Variants in DTNA observed in about 807,000 individuals in gnomAD.
DTNA encodes the protein dystrophin-related protein 3.
Under a neutral mutation model 100.7 loss-of-function variants are expected in DTNA, and 43 were observed. The observed-to-expected ratio is 0.43, with a 90% CI of 0.33 to 0.55. The LOEUF (loss-of-function observed/expected upper bound fraction) is 0.55. Among genes scored for constraint, DTNA ranks in the 20% least tolerant of loss-of-function variants. DTNA has a pLI of 0.04. For missense variants in DTNA, 798 were observed against 953.9 expected (o/e 0.84, Z 2.15); for synonymous variants, 349 against 347.9 (o/e 1.00, Z -0.04).
At chr18:34,799,922 G>A (rs191965366) in intron 4 of DTNA, among the ~76,000 whole-genome samples, 1 of 152,122 alleles carries the variant, frequency 6.6e-6, no homozygotes, top group Admixed American at 6.6e-5. Context: ...GCTATAAGGA[G>A]TACTTTTCCC....
intron 1 of DTNA, among the ~76,000 whole-genome samples, chr18:34,509,636 T>C (rs2040835656): frequency 6.6e-6 from 1 of 152,184 alleles, no homozygotes; most frequent in Non-Finnish European, 1.5e-5. Context: ...TATGAATCAT[T>C]TTCAAAACAG....
intron 1 of DTNA, among the ~76,000 whole-genome samples, chr18:34,561,904 C>A (rs2849488): frequency 6.6e-6 from 1 of 151,798 alleles, no homozygotes; most frequent in African/African-American, 2.4e-5. Flanking sequence ...ATACTTGTGC[C>A]GACGGAAAGT....
chr18:34,541,547 C>T (rs1362872723), intron 1 of DTNA, among the ~76,000 whole-genome samples: 1 of 152,006 alleles, frequency 6.6e-6, no homozygotes, highest in African/African-American at 2.4e-5. Context: ...TAAGATGCTC[C>T]TCATTTGCCT....
At chr18:34,712,146 G>GAAGAAGCA (rs1052945199) in intron 1 of DTNA, among the ~76,000 whole-genome samples, 2 of 152,018 alleles carry the variant, frequency 1.3e-5, no homozygotes, top group African/African-American at 4.8e-5. Context: ...AAGAGGGAAA[G>GAAGAAGCA]AAGAAGCAAG....
chr18:34,780,283 G>A (rs1344430350), intron 3 of DTNA, among the ~76,000 whole-genome samples: 1 of 152,130 alleles, frequency 6.6e-6, no homozygotes, highest in African/African-American at 2.4e-5. Flanking sequence ...GTAAATACCA[G>A]ATAAAATCAT....
At chr18:34,703,667 A>G (rs554338437) in intron 1 of DTNA, among the ~76,000 whole-genome samples, 1 of 152,296 alleles carries the variant, frequency 6.6e-6, no homozygotes, top group South Asian at 2.1e-4. Flanking sequence ...CTGGCAGAGT[A>G]TTTGCCACCA....
chr18:34,592,628 C>T (rs2049866994), intron 1 of DTNA, among the ~76,000 whole-genome samples: 4 of 151,756 alleles, frequency 2.6e-5, no homozygotes, highest in Admixed American at 2.6e-4. Context: ...TTCCACAATT[C>T]TTACAACAAG....
intron 9 of DTNA, among the ~76,000 whole-genome samples, chr18:34,826,321 A>G (rs1225204207): frequency 1.3e-5 from 2 of 152,070 alleles, no homozygotes; most frequent in African/African-American, 4.8e-5. Flanking sequence ...ATTTTGGTGC[A>G]CCCATCACTC....
chr18:34,634,656 C>A (rs2058461696), intron 1 of DTNA, among the ~76,000 whole-genome samples: 1 of 151,948 alleles, frequency 6.6e-6, no homozygotes, highest in African/African-American at 2.4e-5. Flanking sequence ...TGTGGATATT[C>A]TTTTATATAG....
At chr18:34,784,844 C>G (rs752204878) in intron 3 of DTNA, among the ~76,000 whole-genome samples, 3 of 152,028 alleles carry the variant, frequency 2.0e-5, no homozygotes, top group Non-Finnish European at 4.4e-5. Flanking sequence ...TTTCCCAACT[C>G]TGTGTGTATA....
chr18:34,587,576 A>C (rs9961299), intron 1 of DTNA, among the ~76,000 whole-genome samples: 16,055 of 152,130 alleles, frequency 0.11, 1,256 homozygotes, highest in African/African-American at 0.21. Flanking sequence ...TCTGAACTTA[A>C]ATGCATATCT....
rs551158200 is a variant in DTNA, at chr18:34,714,677, G to A, written c.-2+4232G>A. ...CAACCATTGTGGAAGTCAGTGTGGCGATTCCTCAGGGATCTAGAACTAGAA... is the reference window on the plus strand; with the variant it reads ...CAACCATTGTGGAAGTCAGTGTGGCAATTCCTCAGGGATCTAGAACTAGAA... On this transcript the variant is annotated intron_variant, in intron 1 of 22. Coordinates refer to ENST00000444659, the MANE Select transcript of DTNA (RefSeq NM_001386795.1). Among the ~76,000 whole-genome samples the A allele has an allele frequency of 7.2e-3, 1,096 of 151,872 alleles. 6 individuals are homozygous for A. Among genetic ancestry groups the A allele is most frequent in the African/African-American group, 0.025 (1,043 of 41,388 alleles).
intron 1 of DTNA, among the ~76,000 whole-genome samples, chr18:34,591,703 G>A (rs952949985): frequency 6.6e-6 from 1 of 152,114 alleles, no homozygotes; most frequent in African/African-American, 2.4e-5. Context: ...GCATTACATA[G>A]AGCCTGCAGT....
chr18:34,514,465 A>C lies in DTNA; in HGVS notation c.-2+20951A>C, dbSNP rs551771813. Among the ~76,000 whole-genome samples the C allele has an allele frequency of 7.2e-5, 11 of 152,276 alleles. No homozygotes were observed. The East Asian group carries it at 1.9e-3, about 27-fold the overall frequency. ...TTAAGAGTCATCGATATGACACATA[A>C]GGCTCATGGTGAATCACAGTGACTT... On this transcript the variant is annotated intron_variant, in intron 1 of 19. Coordinates refer to the DTNA transcript ENST00000283365.
intron 17 of DTNA, chr18:34,867,920 T>G: frequency 1.0e-6 from 1 of 985,434 alleles, no homozygotes; most frequent in South Asian, 4.7e-5. Context: ...GTCACCCAGA[T>G]GTCAGCAATA....
chr18:34,761,151 CA>C, intron 2 of DTNA, among the ~76,000 whole-genome samples: 1 of 150,366 alleles, frequency 6.7e-6, no homozygotes, highest in South Asian at 2.1e-4. Flanking sequence ...CACACACACA[CA>C]CACACACACA....
chr18:34,854,948 TC>T (rs1160948609), intron 15 of DTNA, among the ~76,000 whole-genome samples: 3 of 152,320 alleles, frequency 2.0e-5, no homozygotes, highest in South Asian at 2.1e-4. Context: ...TCATCCCCAT[TC>T]TACAGATGAA....
At chr18:34,584,441 A>T (rs1375147422) in intron 1 of DTNA, among the ~76,000 whole-genome samples, 1 of 152,224 alleles carries the variant, frequency 6.6e-6, no homozygotes, top group East Asian at 1.9e-4. Flanking sequence ...ACATGGTGCT[A>T]TGAAAAAGGA....
intron 17 of DTNA, among the ~76,000 whole-genome samples, chr18:34,873,229 T>C (rs928480638): frequency 6.6e-6 from 1 of 152,222 alleles, no homozygotes; most frequent in East Asian, 1.9e-4. Context: ...CTTCTCACCA[T>C]GGAAGACAAT....
Sources: gnomAD v4.1 joint callset for allele counts (sites outside exome capture counted in the v4.1 genomes callset) on GRCh38, gnomAD v4.1.1 for gene constraint, MANE v1.5 for transcripts, NCBI Gene and HGNC (gene_info 2026-07-23, HGNC 2026-07-21) for gene names.